The following CSMD1 variants were observed in gnomAD, a reference collection of about 807,000 sequenced individuals.
CSMD1 encodes the protein CUB and Sushi multiple domains 1.
A neutral mutation model predicts 417.5 loss-of-function variants in CSMD1; 213 were observed. The observed-to-expected ratio is 0.51, with a 90% confidence interval of 0.46 to 0.57. CSMD1 has a LOEUF of 0.57. Among genes scored for constraint, CSMD1 ranks in the 20% least tolerant of loss-of-function variants. The pLI, the probability that CSMD1 is intolerant of heterozygous loss-of-function variation, is 0.00. For synonymous variants in CSMD1, 2,862 were observed against 1,736.8 expected, an observed-to-expected ratio of 1.65 and a Z score of -16.11; for missense variants, 6,923 against 4,529.7, an observed-to-expected ratio of 1.53 and a Z score of -15.17.
At chr8:3,490,689 T>C (rs973810607) in intron 11 of CSMD1, among the ~76,000 whole-genome samples, 3 of 151,930 alleles carry the variant, frequency 2.0e-5, no homozygotes, top group South Asian at 2.1e-4. Flanking sequence ...GGATAGCAAA[T>C]AGCTGGAGCC....
chr8:3,407,021 G>A (rs1204782313), intron 14 of CSMD1, among the ~76,000 whole-genome samples: 1 of 152,080 alleles, frequency 6.6e-6, no homozygotes, highest in Admixed American at 6.6e-5. Flanking sequence ...ATAGATGGGA[G>A]GAAGAATAGA....
Position 4,359,149 on chromosome 8 carries a change from C to A in CSMD1, c.415+60804G>T, listed in dbSNP as rs146589435. Among the ~76,000 whole-genome samples, 3 of 152,232 alleles carry A rather than the reference C, an allele frequency of 2.0e-5. No homozygotes were observed. In the East Asian group the frequency reaches 5.8e-4, roughly 29 times the overall value. Reference sequence around the variant, plus strand: ...TAGAAGGCAGAGTTGTAGCCCAGTTCGGTCACTAATAAGTTACTTGGTTAT... The same window carrying A: ...TAGAAGGCAGAGTTGTAGCCCAGTTAGGTCACTAATAAGTTACTTGGTTAT... On this transcript the variant is annotated intron_variant, in intron 3 of 69. Transcript: ENST00000635120.
At chr8:4,992,304 G>A (rs1045373653) in intron 1 of CSMD1, among the ~76,000 whole-genome samples, 5 of 152,188 alleles carry the variant, frequency 3.3e-5, no homozygotes, top group Non-Finnish European at 7.3e-5. Context: ...ACACACGTGT[G>A]CGGATTATTA....
At chr8:3,047,325 C>T (rs536441065) in intron 50 of CSMD1, among the ~76,000 whole-genome samples, 2 of 152,132 alleles carry the variant, frequency 1.3e-5, no homozygotes, top group East Asian at 1.9e-4. Context: ...AGACGATTCC[C>T]GTGTTCCTTC....
intron 6 of CSMD1, among the ~76,000 whole-genome samples, chr8:3,737,395 A>G (rs1008936440): frequency 6.6e-6 from 1 of 152,216 alleles, no homozygotes; most frequent in East Asian, 1.9e-4. Context: ...CTTTATTTCT[A>G]TAATGCTTTT....
intron 39 of CSMD1, among the ~76,000 whole-genome samples, chr8:3,155,358 G>GTTTTTT (rs763097673): frequency 1.2e-4 from 6 of 48,100 alleles, no homozygotes; most frequent in Admixed American, 3.5e-4. Flanking sequence ...TCAAGGCTGG[G>GTTTTTT]ATTTTTTTTT....
At chr8:4,050,398 T>A (rs1049940106) in intron 3 of CSMD1, among the ~76,000 whole-genome samples, 13 of 152,086 alleles carry the variant, frequency 8.5e-5, no homozygotes, top group Non-Finnish European at 1.3e-4. Flanking sequence ...AATTTTTAAT[T>A]TTTAAAATTT....
At chr8:4,148,779 G>C (rs753109913) in intron 3 of CSMD1, among the ~76,000 whole-genome samples, 4 of 152,104 alleles carry the variant, frequency 2.6e-5, no homozygotes, top group East Asian at 1.9e-4. Context: ...CCTGAGTTTA[G>C]AATTTCAACA....
intron 1 of CSMD1, among the ~76,000 whole-genome samples, chr8:4,940,171 A>T (rs1807898481): frequency 6.6e-6 from 1 of 152,124 alleles, no homozygotes; most frequent in African/African-American, 2.4e-5. Flanking sequence ...GAAGCAAGAT[A>T]TTGACTGACC....
intron 3 of CSMD1, among the ~76,000 whole-genome samples, chr8:4,196,451 G>C (rs973760124): frequency 1.3e-5 from 2 of 152,104 alleles, no homozygotes; most frequent in East Asian, 1.9e-4. Flanking sequence ...GCCTCTTAGG[G>C]AAAATCTGTC....
At chr8:4,806,631 T>C (rs1166529563) in intron 1 of CSMD1, among the ~76,000 whole-genome samples, 1 of 152,174 alleles carries the variant, frequency 6.6e-6, no homozygotes, top group Non-Finnish European at 1.5e-5. Flanking sequence ...AAACAGTAAT[T>C]AAAATCATCC....
At chr8:3,508,325 G>A (rs752546464) in intron 10 of CSMD1, among the ~76,000 whole-genome samples, 16 of 151,238 alleles carry the variant, frequency 1.1e-4, no homozygotes, top group Admixed American at 6.6e-5. Context: ...CTTGGACACA[G>A]GAAGGGGAAC....
intron 2 of CSMD1, among the ~76,000 whole-genome samples, chr8:4,574,936 G>A (rs950903192): frequency 6.6e-6 from 1 of 152,110 alleles, no homozygotes; most frequent in African/African-American, 2.4e-5. Flanking sequence ...ATATCTTTTA[G>A]ATCAAGAACT....
chr8:3,510,021 C>T (rs909687817), intron 10 of CSMD1, among the ~76,000 whole-genome samples: 16 of 152,148 alleles, frequency 1.1e-4, no homozygotes, highest in East Asian at 7.7e-4. Flanking sequence ...ATACAAGTCG[C>T]GTATCCACTT....
chr8:4,823,094 G>GATACAGCATGAATATACTGGTGTCAA (rs1320140345), intron 1 of CSMD1, among the ~76,000 whole-genome samples: 1 of 152,006 alleles, frequency 6.6e-6, no homozygotes, highest in Admixed American at 6.6e-5. Context: ...GTGATGTCTT[G>GATACAGCATGAATATACTGGTGTCAA]ATACAGCATG....
chr8:3,556,516 G>GCACACGCA (rs1554468354), intron 10 of CSMD1, among the ~76,000 whole-genome samples: 1 of 137,668 alleles, frequency 7.3e-6, no homozygotes, highest in African/African-American at 2.8e-5. Flanking sequence ...TTTTTCACAC[G>GCACACGCA]CACACACACA....
intron 3 of CSMD1, among the ~76,000 whole-genome samples, chr8:4,342,142 C>T (rs1055747895): frequency 1.3e-5 from 2 of 151,948 alleles, no homozygotes; most frequent in East Asian, 1.9e-4. Flanking sequence ...AGAAGCCAAT[C>T]TAAGACTGTC....
chr8:3,745,712 A>G (rs1245069215), intron 6 of CSMD1, among the ~76,000 whole-genome samples: 1 of 152,240 alleles, frequency 6.6e-6, no homozygotes, highest in Non-Finnish European at 1.5e-5. Context: ...TAACCTCCTC[A>G]GAGTAGATTC....
rs2720873 is a variant in CSMD1, at chr8:3,800,749, G to C, written c.819-46707C>G. On this transcript the variant is annotated intron_variant, in intron 5 of 69. Transcript: ENST00000635120. ...TGAAGGAAAAGATTAGTTTTGTTGA[G>C]GTAGTTTGTTTTTAAGCAAATTCCC... Among the ~76,000 whole-genome samples, 9 of 152,132 alleles carry C rather than the reference G, an allele frequency of 5.9e-5. No homozygotes were observed. The East Asian group carries it at 7.8e-4, about 13-fold the overall frequency.
Sources: gnomAD v4.1 joint callset for allele counts (sites outside exome capture counted in the v4.1 genomes callset) on GRCh38, gnomAD v4.1.1 for gene constraint, MANE v1.5 for transcripts, NCBI Gene and HGNC (gene_info 2026-07-23, HGNC 2026-07-21) for gene names.